The following KIAA0586 variants were observed in gnomAD, a reference collection of about 807,000 sequenced individuals.
KIAA0586 encodes protein TALPID3.
Under a neutral mutation model 169.8 loss-of-function variants are expected in KIAA0586, and 144 were observed. The ratio of observed to expected loss-of-function variants is 0.85; its 90% CI spans 0.74 to 0.97. The LOEUF (loss-of-function observed/expected upper bound fraction) is 0.97. Among genes scored for constraint, KIAA0586 ranks in the 50% least tolerant of loss-of-function variants. The pLI, the probability that KIAA0586 is intolerant of heterozygous loss-of-function variation, is 0.00. For missense variants in KIAA0586, 1,854 were observed against 1,823.0 expected (o/e 1.02, Z -0.31); for synonymous variants, 625 against 612.4 (o/e 1.02, Z -0.30).
rs1373940232 is a variant in KIAA0586, at chr14:58,444,023, A to G, written c.655A>G (p.Lys219Glu). ...ELLSKLQETD[K>E]HLQRVTEQQT... is the part of the protein sequence containing the mutation. ...ACTTAGTAAATTACAGGAGACTGATAAACACCTGCAACGTGTTACAGAGCA... is the reference window on the plus strand; with the variant it reads ...ACTTAGTAAATTACAGGAGACTGATGAACACCTGCAACGTGTTACAGAGCA... The change falls in exon 6 of 31, where the codon AAA becomes GAA. Residue 219 changes from lysine to glutamate, a missense_variant. Physicochemically the swap from Lys to Glu is moderately conservative, Grantham distance 56. Coordinates refer to ENST00000652326, the MANE Select transcript of KIAA0586 (RefSeq NM_001329943.3). 8 of 1,612,154 alleles carry G rather than the reference A, an allele frequency of 5.0e-6. No homozygotes were observed. The highest frequency in any genetic ancestry group is 6.8e-6 in the Non-Finnish European group (8 of 1,178,772).
chr14:58,498,699 ATTG>A, intron 26 of KIAA0586, 81 bp from the exon 27 acceptor site: 1 of 1,156,564 alleles, frequency 8.6e-7, no homozygotes, highest in Non-Finnish European at 1.2e-6. Context: ...GTCAAAGGGT[ATTG>A]TTCATGATAT....
Position 58,465,010 on chromosome 14 carries a change from T to G in KIAA0586, c.2060-825T>G, listed in dbSNP as rs376764952. Among the ~76,000 whole-genome samples the G allele has an allele frequency of 2.6e-5, 4 of 152,238 alleles. 1 individual carries two copies. ...TCACTTGAGCCTGGGAGGCAGAGGT[T>G]GCATTGAGCTAAGATCGCACCACTG... On this transcript the variant is annotated intron_variant, in intron 14 of 30. Transcript: ENST00000652326.
At chr14:58,510,601 A>G (rs978008462) in intron 28 of KIAA0586, among the ~76,000 whole-genome samples, 12 of 152,216 alleles carry the variant, frequency 7.9e-5, no homozygotes, top group African/African-American at 2.4e-4. Flanking sequence ...CACCCACCAT[A>G]TGAACCATGC....
chr14:58,531,744 T>C (rs2045982540), intron 29 of KIAA0586, among the ~76,000 whole-genome samples: 1 of 152,194 alleles, frequency 6.6e-6, no homozygotes. Context: ...GTATATTTAT[T>C]GCAGCACTAT....
intron 17 of KIAA0586, 64 bp from the exon 18 acceptor site, chr14:58,472,135 T>G: frequency 1.3e-6 from 1 of 787,930 alleles, no homozygotes; most frequent in Non-Finnish European, 2.0e-6. Context: ...GGAAATATGA[T>G]AAATTACTTA....
At chr14:58,504,321 A>T (rs1056606290) in intron 27 of KIAA0586, among the ~76,000 whole-genome samples, 3 of 152,176 alleles carry the variant, frequency 2.0e-5, no homozygotes, top group Non-Finnish European at 4.4e-5. Flanking sequence ...AGTACAAAAG[A>T]AGCAGAAAGT....
At chr14:58,486,867 G>C (rs1175860819) in intron 21 of KIAA0586, 140 bp from the exon 22 acceptor site, 1 of 564,496 alleles carries the variant, frequency 1.8e-6, no homozygotes, top group Non-Finnish European at 2.9e-6. Context: ...TAGACTAACA[G>C]GTAGAGGTTC....
At chr14:58,439,530 C>T (rs2038121771) in intron 4 of KIAA0586, among the ~76,000 whole-genome samples, 1 of 152,104 alleles carries the variant, frequency 6.6e-6, no homozygotes, top group Non-Finnish European at 1.5e-5. Context: ...ATTAGGATAT[C>T]CTGTGACCTC....
Position 58,448,422 on chromosome 14 carries a change from C to G in KIAA0586, c.890C>G (p.Ser297Cys), listed in dbSNP as rs766057344. ...TCCTCCAGAGCAGTGGAAAAGTATT[C>G]CGTAAAACCAGAACACCCTAATCTT... is the stretch of plus-strand genomic sequence containing the variant. ...MPSSRAVEKY[S>C]VKPEHPNLGS... Residue 297 changes from serine to cysteine, a missense_variant, in exon 7 of 31, where the codon TCC (serine) becomes TGC (cysteine). Coordinates refer to ENST00000652326, the MANE Select transcript of KIAA0586 (RefSeq NM_001329943.3). The G allele has an allele frequency of 2.5e-6, 4 of 1,611,454 alleles. No individual in the cohort carries two copies. The highest frequency in any genetic ancestry group is 3.4e-6 in the Non-Finnish European group (4 of 1,177,922).
intron 25 of KIAA0586, among the ~76,000 whole-genome samples, chr14:58,490,614 T>C (rs191868040): frequency 1.3e-5 from 2 of 152,256 alleles, no homozygotes; most frequent in Admixed American, 1.3e-4. Flanking sequence ...ACCATGATTA[T>C]AATTCTTTGT....
chr14:58,498,021 G>A (rs1284560086), intron 26 of KIAA0586, among the ~76,000 whole-genome samples: 1 of 151,832 alleles, frequency 6.6e-6, no homozygotes, highest in Non-Finnish European at 1.5e-5. Flanking sequence ...GGGACTACAG[G>A]TGCCTGCCAC....
chr14:58,510,035 C>G (rs560011794), intron 28 of KIAA0586, among the ~76,000 whole-genome samples: 135 of 152,260 alleles, frequency 8.9e-4, no homozygotes, highest in African/African-American at 3.1e-3. Flanking sequence ...TTGGAACAGT[C>G]CTTTACCCAG....
chr14:58,541,685 CAT>C (rs2046643724), intron 30 of KIAA0586, among the ~76,000 whole-genome samples: 1 of 152,124 alleles, frequency 6.6e-6, no homozygotes, highest in African/African-American at 2.4e-5. Context: ...AAACAGAAAA[CAT>C]AAAATTTCTT....
intron 29 of KIAA0586, chr14:58,521,882 T>A: frequency 3.2e-6 from 4 of 1,233,072 alleles, no homozygotes; most frequent in Middle Eastern, 2.0e-4. Context: ...TAGATGATGA[T>A]GACAATGAAG....
chr14:58,551,980 A>C (rs141273867), downstream of KIAA0586, among the ~76,000 whole-genome samples: 4 of 152,290 alleles, frequency 2.6e-5, no homozygotes, highest in East Asian at 7.7e-4. Context: ...AGTATGAAGG[A>C]CATGGGGTGT....
At chr14:58,447,622 A>G (rs373220730) in intron 6 of KIAA0586, among the ~76,000 whole-genome samples, 387 of 152,070 alleles carry the variant, frequency 2.5e-3, no homozygotes, top group African/African-American at 8.9e-3. Context: ...CTGGGATTAC[A>G]GGCTCCCACC....
chr14:58,494,725 C>T (rs553497726), intron 26 of KIAA0586, among the ~76,000 whole-genome samples: 13 of 152,168 alleles, frequency 8.5e-5, no homozygotes, highest in Middle Eastern at 6.8e-3. Flanking sequence ...GTTTGTAATC[C>T]ACTAGTCCTG....
chr14:58,553,111 A>G (rs1409136929), downstream of KIAA0586, among the ~76,000 whole-genome samples: 1 of 152,204 alleles, frequency 6.6e-6, no homozygotes, highest in Non-Finnish European at 1.5e-5. Flanking sequence ...AGGTAATTTA[A>G]AATGTGATTG....
At chr14:58,485,211 C>T (rs148563634) in intron 21 of KIAA0586, among the ~76,000 whole-genome samples, 296 of 151,146 alleles carry the variant, frequency 2.0e-3, no homozygotes, top group East Asian at 0.01. Flanking sequence ...CATGAGCCAC[C>T]GCACCTGGCC....
Sources: allele counts gnomAD v4.1 joint callset (sites outside exome capture counted in the v4.1 genomes callset), GRCh38; gene constraint gnomAD v4.1.1; transcripts MANE v1.5; gene names NCBI Gene and HGNC (gene_info 2026-07-23, HGNC 2026-07-21).